Variants in DRAM1 observed in about 807,000 individuals in gnomAD.
The protein encoded by DRAM1 is DNA damage-regulated autophagy modulator protein 1.
DRAM1 carries 25 observed loss-of-function variants against 28.5 expected under a neutral mutation model. The observed-to-expected ratio is 0.88, with a 90% confidence interval of 0.64 to 1.23. The LOEUF (loss-of-function observed/expected upper bound fraction) is 1.23, where lower values mean the gene tolerates loss of function less well. Ranked by LOEUF, DRAM1 falls within the 50% of genes most tolerant of loss-of-function variation. The pLI, the probability that DRAM1 is intolerant of heterozygous loss-of-function variation, is 0.00. For synonymous variants in DRAM1, 113 were observed against 114.2 expected (o/e 0.99, Z 0.07); for missense variants, 249 against 299.2 (o/e 0.83, Z 1.24).
chr12:101,897,915 T>C lies in DRAM1; in HGVS notation c.184T>C (p.Phe62Leu), dbSNP rs1206442613. ...ESGIFGFMINFSAFLGAATMY... is the reference protein window; with the variant it reads ...ESGIFGFMINLSAFLGAATMY... ...TGGTATTTTTGGATTTATGATAAACTTCTCTGCATTTCTTGGTAAGTACAC... is the reference window on the plus strand; with the variant it reads ...TGGTATTTTTGGATTTATGATAAACCTCTCTGCATTTCTTGGTAAGTACAC... Residue 62 changes from phenylalanine (F) to leucine (L), a missense_variant, in exon 2 of 7, where the codon TTC (phenylalanine) becomes CTC (leucine). By Grantham distance (22) the Phe-to-Leu change is conservative. Transcript: ENST00000258534. The C allele has an allele frequency of 6.3e-7, 1 of 1,598,950 alleles. No homozygotes were observed. Among genetic ancestry groups the C allele is most frequent in the East Asian group, 2.2e-5 (1 of 44,748 alleles).
chr12:101,898,462 G>A (rs1454346485), intron 2 of DRAM1, among the ~76,000 whole-genome samples: 1 of 152,214 alleles, frequency 6.6e-6, no homozygotes, highest in Non-Finnish European at 1.5e-5. Context: ...AGGATTTGCT[G>A]TAGGTGGTTT....
rs1269016557 is a variant in DRAM1, at chr12:101,877,704, C to T, written c.-86C>T. On this transcript the variant is annotated 5_prime_UTR_variant, in exon 1 of 7. Transcript: ENST00000258534. This position sits in a 1 kb window ranked among gnomAD's most constrained non-coding sequence, Gnocchi z 4.1. ...CTCCCACCGTCCGTGAGTGTACGCG[C>T]CCGGCCGCCGCCTCCAGGCAGCCCG... 5.3e-6 allele frequency: 6 copies of T among 1,135,656 alleles called. No homozygotes were observed. Among genetic ancestry groups the T allele is most frequent in the Non-Finnish European group, 6.7e-6 (6 of 898,412 alleles). The allele number at this position is 1,135,656 out of a possible 1,614,324, so 70.3% of individuals were successfully genotyped here. A position where few individuals can be genotyped will look rare whatever the true frequency, so the allele number is the denominator to read the frequency against.
intron 1 of DRAM1, among the ~76,000 whole-genome samples, chr12:101,889,502 GA>G (rs375895132): frequency 4.8e-5 from 7 of 146,702 alleles, no homozygotes; most frequent in Admixed American, 2.0e-4. Flanking sequence ...AGTAAGGAAG[GA>G]AAGGAAGGAA....
chr12:101,908,384 G>A, intron 4 of DRAM1, 21 bp downstream of exon 4: 1 of 1,595,884 alleles, frequency 6.3e-7, no homozygotes, highest in Non-Finnish European at 8.5e-7. Context: ...TCACATTTGT[G>A]CCTTGTTAAA....
At chr12:101,909,937 C>A (rs150352184) in intron 4 of DRAM1, among the ~76,000 whole-genome samples, 39 of 152,270 alleles carry the variant, frequency 2.6e-4, no homozygotes, top group African/African-American at 8.4e-4. Context: ...GTAGGAAAAT[C>A]GGAACTATGT....
intron 1 of DRAM1, among the ~76,000 whole-genome samples, chr12:101,888,056 G>A (rs1872955513): frequency 6.6e-6 from 1 of 152,138 alleles, no homozygotes; most frequent in East Asian, 1.9e-4. Flanking sequence ...TAACCTCGTA[G>A]TATTTCTAAT....
intron 3 of DRAM1, among the ~76,000 whole-genome samples, chr12:101,907,199 C>CAAAAAAAAAAAAAA (rs397965756): frequency 2.3e-5 from 2 of 85,134 alleles, no homozygotes; most frequent in Non-Finnish European, 4.5e-5. Context: ...GACCCTGTCT[C>CAAAAAAAAAAAAAA]AAAAAAAAAA....
chr12:101,916,700 C>T (rs1351830969), intron 5 of DRAM1, among the ~76,000 whole-genome samples: 1 of 152,050 alleles, frequency 6.6e-6, no homozygotes, highest in Non-Finnish European at 1.5e-5. Flanking sequence ...ATACCTCCAG[C>T]AAAGGAGAAG....
chr12:101,908,433 A>T, intron 4 of DRAM1, 70 bp downstream of exon 4: 7 of 1,502,050 alleles, frequency 4.7e-6, no homozygotes, highest in Non-Finnish European at 6.3e-6. Flanking sequence ...AAGAAGGGTA[A>T]TGAAGACTTT....
intron 1 of DRAM1, among the ~76,000 whole-genome samples, chr12:101,882,409 C>T (rs1031309113): frequency 6.6e-6 from 1 of 151,018 alleles, no homozygotes; most frequent in Non-Finnish European, 1.5e-5. Context: ...CGCGCCCGGC[C>T]CCTGATGGTC....
chr12:101,908,113 A>C, intron 3 of DRAM1, 73 bp from the exon 4 acceptor site: 1 of 1,342,510 alleles, frequency 7.4e-7, no homozygotes, highest in Non-Finnish European at 1.0e-6. Flanking sequence ...AAAGCAGCCC[A>C]GAGTGAGAGT....
At chr12:101,883,243 G>A (rs941917284) in intron 1 of DRAM1, among the ~76,000 whole-genome samples, 1 of 150,736 alleles carries the variant, frequency 6.6e-6, no homozygotes, top group African/African-American at 2.4e-5. Context: ...CAAGGTCAGT[G>A]AGACATTGGC....
chr12:101,921,172 T>C, intron 6 of DRAM1, 44 bp from the exon 7 acceptor site: 1 of 1,365,846 alleles, frequency 7.3e-7, no homozygotes, highest in Non-Finnish European at 1.0e-6. Context: ...ACGCTGGGAT[T>C]GTTTAACTTC....
At chr12:101,899,011 C>T (rs537823485) in intron 2 of DRAM1, among the ~76,000 whole-genome samples, 2 of 152,278 alleles carry the variant, frequency 1.3e-5, no homozygotes, top group Admixed American at 6.5e-5. Context: ...ATAATCTCCC[C>T]CCAAACAATC....
intron 1 of DRAM1, among the ~76,000 whole-genome samples, chr12:101,896,801 T>A (rs1254406397): frequency 6.6e-6 from 1 of 152,138 alleles, no homozygotes; most frequent in Non-Finnish European, 1.5e-5. Context: ...TCTTTTTTTT[T>A]TTTGAGACAG....
intron 3 of DRAM1, among the ~76,000 whole-genome samples, chr12:101,904,721 G>A (rs965991487): frequency 3.3e-5 from 5 of 151,938 alleles, no homozygotes; most frequent in Non-Finnish European, 5.9e-5. Flanking sequence ...GATTACAGGC[G>A]TGAGCCACCG....
chr12:101,917,694 CAAA>C (rs34726299), intron 5 of DRAM1, among the ~76,000 whole-genome samples: 14 of 107,728 alleles, frequency 1.3e-4, no homozygotes, highest in Non-Finnish European at 1.2e-4. Context: ...GACTCCATCT[CAAA>C]AAAAAAAAAA....
At chr12:101,895,817 GC>G (rs1250483738) in intron 1 of DRAM1, among the ~76,000 whole-genome samples, 2 of 152,052 alleles carry the variant, frequency 1.3e-5, no homozygotes, top group African/African-American at 4.8e-5. Flanking sequence ...TGATCCACCT[GC>G]CTCGGGCTCC....
At chr12:101,916,262 CA>C (rs936644223) in intron 5 of DRAM1, among the ~76,000 whole-genome samples, 78 of 152,342 alleles carry the variant, frequency 5.1e-4, no homozygotes, top group African/African-American at 1.9e-3. Context: ...CCTGTAATCC[CA>C]GCACTTTGGG....
Sources: gnomAD v4.1 joint callset for allele counts (sites outside exome capture counted in the v4.1 genomes callset) on GRCh38, gnomAD v4.1.1 for gene constraint, Gnocchi (gnomAD v3.1) non-coding constraint, MANE v1.5 for transcripts, NCBI Gene and HGNC (gene_info 2026-07-23, HGNC 2026-07-21) for gene names.